ZNF346: variants seen among roughly 807,000 people sequenced by gnomAD.
The protein encoded by ZNF346 is double-stranded RNA-binding zinc finger protein JAZ.
A neutral mutation model predicts 33.7 loss-of-function variants in ZNF346; 23 were observed. The observed-to-expected ratio is 0.68, with a 90% CI of 0.49 to 0.97. The LOEUF is 0.97. Among genes scored for constraint, ZNF346 ranks in the 50% least tolerant of loss-of-function variants. The pLI is 0.00. For synonymous variants in ZNF346, 134 were observed against 142.4 expected (o/e 0.94, Z 0.42); for missense variants, 340 against 371.1 (o/e 0.92, Z 0.69).
At chr5:177,056,075 CAAAAAAA>C (rs386405776) in intron 5 of ZNF346, among the ~76,000 whole-genome samples, 1 of 97,086 alleles carries the variant, frequency 1.0e-5, no homozygotes, top group Non-Finnish European at 2.0e-5. Context: ...GACTCCGTCT[CAAAAAAA>C]AAAAAAAAAA....
rs141825884 is a variant in ZNF346, at chr5:177,042,193, G to C, written c.372+323G>C. ...CTAGTGGTTTGTTAGAGCAAGACAA[G>C]AGAAAATGGAAAGAAGCCAGGCTGC... is the stretch of plus-strand genomic sequence containing the variant. On this transcript the variant is annotated intron_variant, in intron 3 of 6. Coordinates refer to ENST00000358149, the MANE Select transcript of ZNF346 (RefSeq NM_012279.4). The C allele has an allele frequency of 2.8e-3, 544 of 194,822 alleles. 1 individual carries two copies. The highest frequency in any genetic ancestry group is 4.9e-3 in the Non-Finnish European group (467 of 96,128). 12.1% of individuals were successfully genotyped at this position (194,822 alleles called of 1,614,324 possible).
chr5:177,040,798 C>T (rs182985881), intron 1 of ZNF346, among the ~76,000 whole-genome samples: 1 of 152,332 alleles, frequency 6.6e-6, no homozygotes, highest in Admixed American at 6.5e-5. Context: ...TTGCTGTTCT[C>T]TTCTTCCTGG....
chr5:177,026,988 G>T (rs1776876833), intron 1 of ZNF346, among the ~76,000 whole-genome samples: 1 of 152,100 alleles, frequency 6.6e-6, no homozygotes, highest in South Asian at 2.1e-4. Flanking sequence ...GGAAGTGATT[G>T]CTATCTCATT....
chr5:177,031,161 G>A (rs1306954625), intron 1 of ZNF346, among the ~76,000 whole-genome samples: 1 of 152,038 alleles, frequency 6.6e-6, no homozygotes, highest in South Asian at 2.1e-4. Flanking sequence ...TCAGCCTCCC[G>A]AGTAGCTGGG....
rs1782618326 is a variant in ZNF346 at position 177,062,084 on chromosome 5, T to C, written c.730T>C (p.Cys244Arg). Residue 244 changes from cysteine to arginine, a missense_variant, in exon 6 of 7, where the codon TGT becomes CGT. By Grantham distance (180) the Cys-to-Arg change is radical. Transcript: ENST00000358149. ...PAGKGYPCKT[C>R]KIVLNSIEQY... Reference sequence around the variant, plus strand: ...TGGAAAGGGCTACCCCTGCAAAACATGTAAGATAGTGCTGAACTCCATAGA... The same window carrying C: ...TGGAAAGGGCTACCCCTGCAAAACACGTAAGATAGTGCTGAACTCCATAGA... 1 of 1,614,062 alleles carries C rather than the reference T, an allele frequency of 6.2e-7. No individual in the cohort carries two copies. Among genetic ancestry groups the C allele is most frequent in the Middle Eastern group, 1.6e-4 (1 of 6,062 alleles).
At chr5:177,028,521 T>TATATATATATATATATATATATC (rs56006820) in intron 1 of ZNF346, among the ~76,000 whole-genome samples, 1 of 135,920 alleles carries the variant, frequency 7.4e-6, no homozygotes, top group African/African-American at 2.8e-5. Context: ...TATATATATA[T>TATATATATATATATATATATATC]TTCCCTCCAT....
At chr5:177,061,915 GCCTCTGGGT>G in intron 5 of ZNF346, 134 bp from the exon 6 acceptor site, 1 of 673,942 alleles carries the variant, frequency 1.5e-6, no homozygotes, top group Admixed American at 2.4e-5. Context: ...TAGCACTGTG[GCCTCTGGGT>G]TCTCATCAGG....
At chr5:177,050,519 T>G (rs1780704215) in intron 4 of ZNF346, among the ~76,000 whole-genome samples, 1 of 152,214 alleles carries the variant, frequency 6.6e-6, no homozygotes, top group Non-Finnish European at 1.5e-5. Context: ...AGCCAGTCTT[T>G]GGGCTCCCTC....
intron 1 of ZNF346, among the ~76,000 whole-genome samples, chr5:177,028,918 A>G (rs1777279829): frequency 6.6e-6 from 1 of 151,328 alleles, no homozygotes; most frequent in Admixed American, 6.6e-5. Context: ...ACGGGGTTTC[A>G]CCATGTTAGC....
Position 177,044,506 on chromosome 5 carries a change from C to G in ZNF346, c.490C>G (p.Leu164Val). The G allele has an allele frequency of 6.2e-7, 1 of 1,613,918 alleles. No homozygotes were observed. Among genetic ancestry groups the G allele is most frequent in the Non-Finnish European group, 8.5e-7 (1 of 1,180,004 alleles). Residue 164 changes from leucine to valine, a missense_variant, in exon 4 of 7, where the codon CTG becomes GTG. By Grantham distance (32) the Leu-to-Val change is conservative. Coordinates refer to ENST00000358149, the MANE Select transcript of ZNF346 (RefSeq NM_012279.4). ...GAAGACCCACGCAAAGAACTTAAAG[C>G]TGAAGCAGCAGTCCACTAAGGTGGA... ...LGKTHAKNLK[L>V]KQQSTKVEAL...
At chr5:177,049,494 G>C (rs1454422572) in intron 4 of ZNF346, among the ~76,000 whole-genome samples, 2 of 152,242 alleles carry the variant, frequency 1.3e-5, no homozygotes. Flanking sequence ...GCGCAGCCTA[G>C]AGTCAACATC....
Position 177,064,582 on chromosome 5 carries a change from A to G in ZNF346, c.868A>G (p.Thr290Ala), listed in dbSNP as rs779802657. The G allele has an allele frequency of 3.1e-6, 5 of 1,614,110 alleles. No homozygotes were observed. The highest frequency in any genetic ancestry group is 1.7e-5 in the Admixed American group (1 of 60,012). Reference protein sequence around the residue: ...MQRQPIQKDSTTLED With the variant: ...MQRQPIQKDSATLED The stretch of plus-strand genomic sequence containing the variant: ...AAGGCAACCCATTCAGAAAGACTCA[A>G]CCACCTTGGAAGACTAGAGGTGATT... Residue 290 changes from threonine to alanine, a missense_variant, in exon 7 of 7, where the codon ACC becomes GCC. Transcript: ENST00000358149.
chr5:177,043,023 T>C (rs765080561), intron 3 of ZNF346, among the ~76,000 whole-genome samples: 6 of 152,208 alleles, frequency 3.9e-5, no homozygotes, highest in Non-Finnish European at 8.8e-5. Flanking sequence ...AGCTAATTTT[T>C]GTATTTTTAG....
intron 1 of ZNF346, among the ~76,000 whole-genome samples, chr5:177,034,326 C>T (rs548695267): frequency 2.7e-5 from 4 of 149,740 alleles, no homozygotes; most frequent in East Asian, 4.0e-4. Flanking sequence ...CAAGTTCAAA[C>T]GATCCTCCCA....
chr5:177,052,172 A>ATTTT (rs772764834), intron 5 of ZNF346, among the ~76,000 whole-genome samples: 21 of 142,894 alleles, frequency 1.5e-4, no homozygotes, highest in Middle Eastern at 3.6e-3. Flanking sequence ...CAAAAAAACA[A>ATTTT]TTTTTTTTTT....
chr5:177,075,267 G>T (rs906689462), intron 8 of ZNF346, among the ~76,000 whole-genome samples: 3 of 151,820 alleles, frequency 2.0e-5, no homozygotes, highest in African/African-American at 7.3e-5. Context: ...GCCGGGCATG[G>T]TGGTGGGTGC....
chr5:177,029,623 T>C (rs1425483933), intron 1 of ZNF346, among the ~76,000 whole-genome samples: 1 of 152,154 alleles, frequency 6.6e-6, no homozygotes, highest in African/African-American at 2.4e-5. Flanking sequence ...AGGGCAGGAA[T>C]GAAAAGAAGT....
At chr5:177,072,275 CTTCCCTCAGGACAT>C (rs1432587974), downstream of ZNF346, among the ~76,000 whole-genome samples, 1 of 152,250 alleles carries the variant, frequency 6.6e-6, no homozygotes, top group Non-Finnish European at 1.5e-5. Context: ...CCGATTTCCC[CTTCCCTCAGGACAT>C]TTCCCTCAGG....
At chr5:177,023,176 T>C in intron 1 of ZNF346, 1 of 1,536,530 alleles carries the variant, frequency 6.5e-7, no homozygotes, top group Non-Finnish European at 8.7e-7. Flanking sequence ...TTTTCCCACA[T>C]TCGAGGACTG....
Sources: gnomAD v4.1 joint callset for allele counts (sites outside exome capture counted in the v4.1 genomes callset) on GRCh38, gnomAD v4.1.1 for gene constraint, MANE v1.5 for transcripts, NCBI Gene and HGNC (gene_info 2026-07-23, HGNC 2026-07-21) for gene names.